The following CLMN variants were observed in gnomAD, a reference collection of about 807,000 sequenced individuals.
CLMN encodes the protein calmin (calponin-like, transmembrane).
A neutral mutation model predicts 92.7 loss-of-function variants in CLMN; 57 were observed. The observed-to-expected ratio is 0.61, with a 90% CI of 0.50 to 0.77. The LOEUF (loss-of-function observed/expected upper bound fraction) is 0.77, where lower values mean the gene tolerates loss of function less well. Among genes scored for constraint, CLMN ranks in the 30% least tolerant of loss-of-function variants. The probability of loss-of-function intolerance (pLI) is 0.00; values close to 1 mark genes in which losing one functional copy is unlikely to be tolerated. For synonymous variants in CLMN, 466 were observed against 470.6 expected (o/e 0.99, Z 0.13); for missense variants, 1,158 against 1,237.5 (o/e 0.94, Z 0.96).
Position 95,194,995 on chromosome 14 carries a change from C to T in CLMN, c.2709-399G>A, listed in dbSNP as rs1156981550. On this transcript the variant is annotated intron_variant, in intron 10 of 12. Transcript: ENST00000298912. The surrounding 1 kb of genome is among the most constrained non-coding windows in gnomAD (Gnocchi z 4.0). ...AGGCTGCCCTGACTCTCTCTACCTG[C>T]GTCTGAGGTCCAAAATGTACAAGTG... Among the ~76,000 whole-genome samples the T allele has an allele frequency of 2.0e-5, 3 of 152,200 alleles. No individual in the cohort carries two copies. The highest frequency in any genetic ancestry group is 6.5e-5 in the Admixed American group (1 of 15,276).
intron 6 of CLMN, among the ~76,000 whole-genome samples, chr14:95,212,599 C>A (rs1897229448): frequency 6.6e-6 from 1 of 151,910 alleles, no homozygotes; most frequent in Non-Finnish European, 1.5e-5. Flanking sequence ...TGGAAGATAC[C>A]CTGAAGCTTA....
chr14:95,248,927 A>G (rs1480418786), intron 1 of CLMN, among the ~76,000 whole-genome samples: 2 of 152,214 alleles, frequency 1.3e-5, no homozygotes, highest in East Asian at 3.8e-4. Context: ...TACATAGTGC[A>G]GCATTTCTGA....
At chr14:95,238,825 G>A (rs1898146532) in intron 1 of CLMN, among the ~76,000 whole-genome samples, 1 of 152,108 alleles carries the variant, frequency 6.6e-6, no homozygotes, top group South Asian at 2.1e-4. Flanking sequence ...AGGTCCCAGA[G>A]GCCACCAATT....
chr14:95,319,602 A>T, intron 1 of CLMN, 109 bp downstream of exon 1: 2 of 894,702 alleles, frequency 2.2e-6, no homozygotes, highest in Non-Finnish European at 3.3e-6. Flanking sequence ...GACAGGAACA[A>T]CGAGCGGCCG....
chr14:95,210,427 A>T (rs1046569911), intron 7 of CLMN, among the ~76,000 whole-genome samples: 4 of 152,222 alleles, frequency 2.6e-5, no homozygotes, highest in African/African-American at 4.8e-5. Flanking sequence ...TTATAGAAGT[A>T]TGTAAAATAC....
intron 1 of CLMN, among the ~76,000 whole-genome samples, chr14:95,269,077 A>T (rs1899603425): frequency 6.6e-6 from 1 of 152,132 alleles, no homozygotes; most frequent in African/African-American, 2.4e-5. Flanking sequence ...CTGGGATTAC[A>T]GGCGTGAGCC....
chr14:95,220,411 A>C (rs1020436781), intron 4 of CLMN, among the ~76,000 whole-genome samples: 7 of 152,202 alleles, frequency 4.6e-5, no homozygotes, highest in African/African-American at 1.7e-4. Flanking sequence ...TCCTGACCTC[A>C]GGTGATCCAC....
chr14:95,239,622 G>A (rs950528132), intron 1 of CLMN, among the ~76,000 whole-genome samples: 15 of 152,114 alleles, frequency 9.9e-5, no homozygotes, highest in African/African-American at 3.6e-4. Context: ...GTTCTAAAAT[G>A]CCCCTCCAAA....
intron 1 of CLMN, among the ~76,000 whole-genome samples, chr14:95,288,619 C>T (rs749397972): frequency 5.3e-5 from 8 of 152,186 alleles, no homozygotes; most frequent in Non-Finnish European, 8.8e-5. Flanking sequence ...GGCTGGCAGG[C>T]TGTAAATTGG....
chr14:95,210,022 C>A (rs1430879571), intron 7 of CLMN, among the ~76,000 whole-genome samples: 1 of 152,038 alleles, frequency 6.6e-6, no homozygotes, highest in African/African-American at 2.4e-5. Flanking sequence ...TCAGAAACAA[C>A]CTCAATGTCT....
In CLMN at chr14:95,191,856, C is replaced by T. The variant is rs1896571085; in HGVS notation, c.2841-124G>A. 1 of 875,098 alleles carries T rather than the reference C, an allele frequency of 1.1e-6. No individual in the cohort carries two copies. The highest frequency in any genetic ancestry group is 2.6e-5 in the East Asian group (1 of 38,078). 54.2% of individuals were successfully genotyped at this position (875,098 alleles called of 1,614,324 possible). ...GCCTGAAGACCCGAAGGCTCCCCAG[C>T]ACCATGTCCAGGTAGGCCCCACACT... On this transcript the variant is annotated intron_variant, in intron 12 of 12. Coordinates refer to ENST00000298912, the MANE Select transcript of CLMN (RefSeq NM_024734.4). This position sits in a 1 kb window ranked among gnomAD's most constrained non-coding sequence, Gnocchi z 5.3.
chr14:95,225,839 C>G (rs1485885547), intron 2 of CLMN, among the ~76,000 whole-genome samples: 1 of 152,206 alleles, frequency 6.6e-6, no homozygotes, highest in Non-Finnish European at 1.5e-5. Flanking sequence ...TGGGCCTAGA[C>G]CTGGGAGGGG....
chr14:95,236,301 G>C (rs917861695), intron 1 of CLMN, among the ~76,000 whole-genome samples: 12 of 150,300 alleles, frequency 8.0e-5, no homozygotes, highest in African/African-American at 3.0e-4. Flanking sequence ...TCAGCCAGGC[G>C]GGGGGTCTCA....
intron 1 of CLMN, among the ~76,000 whole-genome samples, chr14:95,308,856 T>C (rs1399355933): frequency 6.6e-6 from 1 of 152,232 alleles, no homozygotes; most frequent in Non-Finnish European, 1.5e-5. Flanking sequence ...GGGACCTTTT[T>C]CAGCTGCATG....
At chr14:95,242,049 C>T (rs1229016199) in intron 1 of CLMN, among the ~76,000 whole-genome samples, 1 of 151,894 alleles carries the variant, frequency 6.6e-6, no homozygotes, top group Admixed American at 6.6e-5. Flanking sequence ...TGGGCAGAAA[C>T]CCTGTAGGTT....
intron 4 of CLMN, 116 bp downstream of exon 4, chr14:95,221,575 C>A (rs1443563518): frequency 1.9e-5 from 16 of 846,568 alleles, no homozygotes; most frequent in Non-Finnish European, 3.0e-5. Context: ...TTTAATTTGA[C>A]CATTTTAGCT....
chr14:95,235,005 A>G (rs1443292011), intron 1 of CLMN, among the ~76,000 whole-genome samples: 1 of 152,192 alleles, frequency 6.6e-6, no homozygotes, highest in East Asian at 1.9e-4. Context: ...ATCTGCTCAT[A>G]AAAAATTATA....
At chr14:95,272,542 T>C (rs1393396855) in intron 1 of CLMN, among the ~76,000 whole-genome samples, 4 of 152,240 alleles carry the variant, frequency 2.6e-5, no homozygotes, top group African/African-American at 7.2e-5. Flanking sequence ...CACTGGACAA[T>C]TGTGACATCT....
At chr14:95,217,858 A>G (rs1166035062) in intron 4 of CLMN, among the ~76,000 whole-genome samples, 4 of 152,256 alleles carry the variant, frequency 2.6e-5, no homozygotes, top group African/African-American at 4.8e-5. Context: ...GGGGAAGGGC[A>G]GGGCTGAGCA....
Sources: allele counts gnomAD v4.1 joint callset (sites outside exome capture counted in the v4.1 genomes callset), GRCh38; gene constraint gnomAD v4.1.1; non-coding constraint Gnocchi (gnomAD v3.1); transcripts MANE v1.5; gene names NCBI Gene and HGNC (gene_info 2026-07-23, HGNC 2026-07-21).